AGRN: variants seen among roughly 807,000 people sequenced by gnomAD.
AGRN encodes the protein agrin.
In AGRN, 106 loss-of-function variants were observed where a neutral mutation model predicts 211.0. The observed-to-expected ratio is 0.50, with a 90% CI of 0.43 to 0.59. The LOEUF (loss-of-function observed/expected upper bound fraction) is 0.59. Among genes scored for constraint, AGRN ranks in the 20% least tolerant of loss-of-function variants. The pLI, the probability that AGRN is intolerant of heterozygous loss-of-function variation, is 0.00. For missense variants in AGRN, 3,040 were observed against 2,982.6 expected, an observed-to-expected ratio of 1.02 and a Z score of -0.45; for synonymous variants, 1,525 against 1,332.5, an observed-to-expected ratio of 1.14 and a Z score of -3.15.
At chr1:1,047,978 C>T in intron 22 of AGRN, 34 bp from the exon 23 acceptor site, 1 of 1,569,316 alleles carries the variant, frequency 6.4e-7, no homozygotes, top group South Asian at 1.2e-5. Flanking sequence ...TGGCCCTGCT[C>T]CCAGGAAACC....
chr1:1,029,442 GGGGA>G (rs1415757099), intron 2 of AGRN, among the ~76,000 whole-genome samples: 116 of 149,924 alleles, frequency 7.7e-4, no homozygotes, highest in South Asian at 1.1e-3. Context: ...AGGCAGGTAG[GGGGA>G]GGGGGACATC....
At chr1:1,047,159 C>G in intron 19 of AGRN, 168 bp from the exon 20 acceptor site, 1 of 1,354,726 alleles carries the variant, frequency 7.4e-7, no homozygotes, top group Non-Finnish European at 9.9e-7. Context: ...GAGGAGTCCT[C>G]CTGGTAACCG....
At chr1:1,051,993 C>A (rs377033648) in intron 33 of AGRN, 178 bp downstream of exon 33, 3 of 1,542,244 alleles carry the variant, frequency 1.9e-6, no homozygotes, top group Non-Finnish European at 2.6e-6. Context: ...TGTTTCCAAG[C>A]GAACTGGCCA....
intron 12 of AGRN, 128 bp from the exon 13 acceptor site, chr1:1,045,033 G>T (rs915012813): frequency 2.0e-6 from 2 of 1,000,518 alleles, no homozygotes; most frequent in Non-Finnish European, 3.1e-6. Flanking sequence ...CAGGCTCCCG[G>T]GCTCCTCTGG....
rs376387543 is a variant in AGRN at position 1,045,734 on chromosome 1, C to G, written c.2538C>G (p.Pro846=). The G allele has an allele frequency of 8.3e-5, 134 of 1,613,264 alleles. No individual in the cohort carries two copies. The highest frequency in any genetic ancestry group is 1.1e-4 in the Non-Finnish European group (127 of 1,179,966). ...GTTCCTCCCCGATTTTCCCCAAAGC[C>G]TGCAGCTGTGATCCCCAAGGCGCCG... The part of the protein sequence containing the change: ...IVTDGRSGCT[P]CSCDPQGAVR... Residue 846 remains proline, a splice_region_variant and synonymous_variant, in exon 15 of 36, where the codon CCC becomes CCG. Transcript: ENST00000379370.
At chr1:1,034,845 G>A in intron 2 of AGRN, 1 of 447,700 alleles carries the variant, frequency 2.2e-6, no homozygotes, top group Non-Finnish European at 3.2e-6. Context: ...GGACCCCTCG[G>A]TCCCTGGAGG....
rs1491168918 is a variant in AGRN at position 1,035,168 on chromosome 1, G to GT, written c.464-108dup. 3.8e-6 allele frequency: 4 copies of GT among 1,057,130 alleles called. No individual in the cohort carries two copies. In the African/African-American group the frequency reaches 7.3e-5, roughly 19 times the overall value. 65.5% of individuals were successfully genotyped at this position (1,057,130 alleles called of 1,614,324 possible). On this transcript the variant is annotated intron_variant, in intron 2 of 35. Coordinates refer to ENST00000379370, the MANE Select transcript of AGRN (RefSeq NM_198576.4). ...GCAGCCTGGATCCCTGGGGCTAGCG[G>GT]TGGGGGGGGGGGGGTGGGCAGGGGT...
At position 1,049,720 on chromosome 1, in the gene AGRN, C is replaced by A; in HGVS notation, c.4669C>A (p.Pro1557Thr). 5 of 1,583,860 alleles carry A rather than the reference C, an allele frequency of 3.2e-6. No individual in the cohort carries two copies. The highest frequency in any genetic ancestry group is 4.3e-6 in the Non-Finnish European group (5 of 1,166,540). ...ECGDHPCLPN[P>T]CHGGAPCQNL... ...CGGGGACCACCCCTGCCTGCCCAAC[C>A]CCTGCCATGGCGGGGCCCCATGCCA... The change falls in exon 26 of 36, where the codon CCC becomes ACC. Residue 1557 changes from proline to threonine, a missense_variant. Pro to Thr is a conservative substitution (Grantham distance 38). This residue lies in a region of AGRN where 1,537 missense variants were observed against 1,505.0 expected (regional missense o/e 1.02). Coordinates refer to ENST00000379370, the MANE Select transcript of AGRN (RefSeq NM_198576.4).
At position 1,046,455 on chromosome 1, in the gene AGRN, GCTC is replaced by G; in HGVS notation, c.2976_2978del (p.Leu993del). ...CCTCCGTGACTGTGACCACCCCAGG[GCTC>G]CTCCTGAGCCAGGCACTGCCGGCCC... On this transcript the variant is annotated inframe_deletion, in exon 18 of 36. Coordinates refer to ENST00000379370, the MANE Select transcript of AGRN (RefSeq NM_198576.4). 6.2e-7 allele frequency: 1 copy of G among 1,612,328 alleles called. No homozygotes were observed. Among genetic ancestry groups the G allele is most frequent in the Non-Finnish European group, 8.5e-7 (1 of 1,179,784 alleles).
intron 2 of AGRN, among the ~76,000 whole-genome samples, chr1:1,029,629 ATGTGTG>A (rs1413976423): frequency 3.5e-4 from 31 of 87,796 alleles, no homozygotes; most frequent in African/African-American, 4.3e-4. Flanking sequence ...TGAGATCAGC[ATGTGTG>A]TGTGTGTGTG....
chr1:1,025,989 G>T (rs988030509), intron 2 of AGRN, among the ~76,000 whole-genome samples: 5 of 152,156 alleles, frequency 3.3e-5, no homozygotes, highest in South Asian at 4.1e-4. Context: ...TGGCCTGGGG[G>T]GGGGCTTTGC....
chr1:1,037,372 G>A (rs115026561), intron 3 of AGRN, among the ~76,000 whole-genome samples: 3,427 of 152,222 alleles, frequency 0.023, 87 homozygotes, highest in African/African-American at 0.063. Context: ...ACAGAGTCAC[G>A]GAGGGCTCCA....
Position 1,020,304 on chromosome 1 carries a change from C to T in AGRN, c.132C>T (p.Asn44=). 5 of 1,479,018 alleles carry T rather than the reference C, an allele frequency of 3.4e-6. No individual in the cohort carries two copies. Among genetic ancestry groups the T allele is most frequent in the Non-Finnish European group, 4.5e-6 (5 of 1,113,788 alleles). The allele number at this position is 1,479,018 out of a possible 1,614,324, so 91.6% of individuals were successfully genotyped here. A position where few individuals can be genotyped will look rare whatever the true frequency, so the allele number is the denominator to read the frequency against. Reference sequence around the variant, plus strand: ...TGGAGCGGCGCGAGGAGGAGGCGAACGTGGTGCTCACCGGGACGGTGGAGG... The same window carrying T: ...TGGAGCGGCGCGAGGAGGAGGCGAATGTGGTGCTCACCGGGACGGTGGAGG... The part of the protein sequence containing the change: ...RALERREEEA[N]VVLTGTVEEI... The change falls in exon 1 of 36, where the codon AAC becomes AAT. Residue 44 remains asparagine (N), a synonymous_variant. Coordinates refer to ENST00000379370, the MANE Select transcript of AGRN (RefSeq NM_198576.4).
intron 2 of AGRN, among the ~76,000 whole-genome samples, chr1:1,029,551 G>T (rs906219587): frequency 6.6e-6 from 1 of 152,194 alleles, no homozygotes; most frequent in Non-Finnish European, 1.5e-5. Context: ...CAAGGAGCAG[G>T]GGTGGTGCTG....
rs745473261 is a variant in AGRN at position 1,044,454 on chromosome 1, C to T, written c.2254+15C>T. On this transcript the variant is annotated intron_variant, in intron 12 of 35. Transcript: ENST00000379370. ...AGCCTGCCGAGGTGAGCCGGCTGCA[C>T]GTGGGGTCTCAGGCACAGGCGGGGC... 1.7e-5 allele frequency: 27 copies of T among 1,597,510 alleles called. No individual in the cohort carries two copies. Among genetic ancestry groups the T allele is most frequent in the African/African-American group, 9.4e-5 (7 of 74,456 alleles).
Position 1,022,390 on chromosome 1 carries a change from G to A in AGRN, c.391G>A (p.Glu131Lys), listed in dbSNP as rs746643534. The A allele has an allele frequency of 1.1e-5, 18 of 1,613,278 alleles. No homozygotes were observed. The highest frequency in any genetic ancestry group is 2.7e-5 in the African/African-American group (2 of 74,922). Residue 131 changes from glutamate (E) to lysine (K), a missense_variant, in exon 2 of 36, where the codon GAG becomes AAG. By Grantham distance (56) the Glu-to-Lys change is moderately conservative. Transcript: ENST00000379370. Reference protein sequence around the residue: ...PPYLWPAHKNELMLNSSLMRI... With the variant: ...PPYLWPAHKNKLMLNSSLMRI... ...ATACCTGTGGCCAGCCCACAAGAAC[G>A]AGCTGATGCTCAACTCCAGCCTCAT...
rs905438902 is a variant in AGRN, at chr1:1,052,352, AGT to A, written c.5651+545_5651+546del. 4 of 342,862 alleles carry A rather than the reference AGT, an allele frequency of 1.2e-5. No individual in the cohort carries two copies. In the East Asian group the frequency reaches 3.1e-4, roughly 27 times the overall value. The allele number at this position is 342,862 out of a possible 1,614,324, so 21.2% of individuals were successfully genotyped here. A position where few individuals can be genotyped will look rare whatever the true frequency, so the allele number is the denominator to read the frequency against. On this transcript the variant is annotated intron_variant, in intron 33 of 35. Coordinates refer to ENST00000379370, the MANE Select transcript of AGRN (RefSeq NM_198576.4). ...TCTATGTATATGGAGTGGATGTGCA[AGT>A]GTGTGTGAATATCCAGCTGTGTGTG...
Position 1,047,395 on chromosome 1 carries a change from G to A in AGRN, c.3457G>A (p.Glu1153Lys), listed in dbSNP as rs1262091179. 6.2e-6 allele frequency: 10 copies of A among 1,612,388 alleles called. No individual in the cohort carries two copies. Among genetic ancestry groups the A allele is most frequent in the Admixed American group, 1.7e-5 (1 of 59,944 alleles). ...GGGCCAGGAGCTGTTCTACACGCCC[G>A]AGATGGCTGACCCCAAGTCAGAACT... is the stretch of plus-strand genomic sequence containing the variant. ...VEGQELFYTPEMADPKSELFG... is the reference protein window; with the variant it reads ...VEGQELFYTPKMADPKSELFG... The change falls in exon 20 of 36, where the codon GAG (glutamate) becomes AAG (lysine). Residue 1153 changes from glutamate (E) to lysine (K), a missense_variant. Around this residue, in one of 3 missense-constraint regions of AGRN, gnomAD observed 1,537 missense variants for 1,505.0 expected, o/e 1.02. Coordinates refer to ENST00000379370, the MANE Select transcript of AGRN (RefSeq NM_198576.4).
chr1:1,021,494 C>T (rs1644404696), intron 1 of AGRN, among the ~76,000 whole-genome samples: 1 of 152,382 alleles, frequency 6.6e-6, no homozygotes, highest in East Asian at 1.9e-4. Context: ...CCGGCAGCCC[C>T]AGCCCCCCAG....
Sources: gnomAD v4.1 joint callset for allele counts (sites outside exome capture counted in the v4.1 genomes callset) on GRCh38, gnomAD v4.1.1 for gene constraint, gnomAD v4.1.1 regional missense constraint, MANE v1.5 for transcripts, NCBI Gene and HGNC (gene_info 2026-07-23, HGNC 2026-07-21) for gene names.